CDH23: variants seen among roughly 807,000 people sequenced by gnomAD.
The protein encoded by CDH23 is cadherin related 23, also known as cadherin-23.
A neutral mutation model predicts 317.1 loss-of-function variants in CDH23; 189 were observed. That is an observed-to-expected ratio of 0.60 (90% CI 0.53 to 0.67). The LOEUF (loss-of-function observed/expected upper bound fraction) is 0.67. Ranked by LOEUF, CDH23 falls within the 30% of genes least tolerant of loss-of-function variation. The pLI, the probability that CDH23 is intolerant of heterozygous loss-of-function variation, is 0.00. For missense variants in CDH23, 4,401 were observed against 4,592.4 expected (o/e 0.96, Z 1.20); for synonymous variants, 1,839 against 1,876.8 (o/e 0.98, Z 0.52).
chr10:71,708,659 A>AC (rs1865871093), intron 26 of CDH23, among the ~76,000 whole-genome samples: 4 of 151,972 alleles, frequency 2.6e-5, no homozygotes, highest in Non-Finnish European at 5.9e-5. Flanking sequence ...TGCTCAGCCA[A>AC]CCCCAGAGTT....
At chr10:71,667,596 G>A (rs1033446090) in intron 14 of CDH23, among the ~76,000 whole-genome samples, 5 of 152,064 alleles carry the variant, frequency 3.3e-5, no homozygotes, top group Non-Finnish European at 4.4e-5. Context: ...AAAGAAGTAG[G>A]AAGTATGGAG....
chr10:71,799,489 C>G lies in CDH23; in HGVS notation c.7225-3C>G. ...CTCTCTCTCCCTGCCCCCTGGGCTCCAGGAGGCTGTCTTTGAGGATGTGCC... is the reference window on the plus strand; with the variant it reads ...CTCTCTCTCCCTGCCCCCTGGGCTCGAGGAGGCTGTCTTTGAGGATGTGCC... On this transcript the variant is annotated splice_region_variant and splice_polypyrimidine_tract_variant and intron_variant, in intron 51 of 69. Transcript: ENST00000224721. The G allele has an allele frequency of 6.2e-7, 1 of 1,614,064 alleles. No homozygotes were observed. The highest frequency in any genetic ancestry group is 8.5e-7 in the Non-Finnish European group (1 of 1,179,912).
At chr10:71,624,274 G>A (rs972423062) in intron 11 of CDH23, among the ~76,000 whole-genome samples, 3 of 152,186 alleles carry the variant, frequency 2.0e-5, no homozygotes, top group Non-Finnish European at 2.9e-5. Context: ...CCTTGTATTT[G>A]TGTATTCAAA....
chr10:71,814,471 G>C (rs988695089), intron 69 of CDH23, among the ~76,000 whole-genome samples: 12 of 152,220 alleles, frequency 7.9e-5, no homozygotes, highest in Admixed American at 5.2e-4. Context: ...CACTTTGGGA[G>C]GCTGAGGCTG....
At chr10:71,665,586 C>T (rs1863853800) in intron 14 of CDH23, among the ~76,000 whole-genome samples, 1 of 152,198 alleles carries the variant, frequency 6.6e-6, no homozygotes, top group African/African-American at 2.4e-5. Flanking sequence ...AGCCTAGTGA[C>T]TGTCTGAGAG....
chr10:71,677,343 A>C (rs1342378449), intron 15 of CDH23, 113 bp from the exon 16 acceptor site: 1 of 827,254 alleles, frequency 1.2e-6, no homozygotes, highest in South Asian at 1.8e-5. Context: ...TTCAGACTTC[A>C]TTTGTTTCTG....
chr10:71,793,802 C>G (rs1371424397), intron 48 of CDH23, among the ~76,000 whole-genome samples, 162 bp downstream of exon 48: 1 of 152,136 alleles, frequency 6.6e-6, no homozygotes, highest in African/African-American at 2.4e-5. Context: ...CTTCTCTTTT[C>G]CATCTCTCCC....
chr10:71,643,324 G>T (rs752180149), intron 11 of CDH23, among the ~76,000 whole-genome samples: 2 of 152,138 alleles, frequency 1.3e-5, no homozygotes, highest in Admixed American at 1.3e-4. Flanking sequence ...AGGGAGAGGC[G>T]TGTGTTCCCC....
At chr10:71,450,813 C>T (rs1055506080) in intron 3 of CDH23, among the ~76,000 whole-genome samples, 2 of 152,130 alleles carry the variant, frequency 1.3e-5, no homozygotes, top group African/African-American at 4.8e-5. Flanking sequence ...CCGTGGTGGT[C>T]CCATCTAGCC....
At chr10:71,673,475 T>C (rs1864231725) in intron 14 of CDH23, among the ~76,000 whole-genome samples, 2 of 152,252 alleles carry the variant, frequency 1.3e-5, no homozygotes, top group Admixed American at 1.3e-4. Context: ...TTCCTCCTGC[T>C]CCCCTTCTCC....
intron 3 of CDH23, among the ~76,000 whole-genome samples, chr10:71,452,499 G>A (rs1039866340): frequency 1.7e-4 from 26 of 152,246 alleles, no homozygotes; most frequent in African/African-American, 6.3e-4. Context: ...TCCTTGGCCA[G>A]GGGTGCCCTT....
chr10:71,762,051 T>C (rs1265976434), intron 38 of CDH23: 1 of 1,568,100 alleles, frequency 6.4e-7, no homozygotes, highest in Non-Finnish European at 8.7e-7. Context: ...GAGAGCCCTG[T>C]CACCTGACTG....
At chr10:71,673,225 G>A (rs1024488748) in intron 14 of CDH23, among the ~76,000 whole-genome samples, 6 of 152,302 alleles carry the variant, frequency 3.9e-5, no homozygotes, top group South Asian at 2.1e-4. Flanking sequence ...CCCTGCCCTC[G>A]TCCTTCCCCA....
At chr10:71,546,911 A>G (rs1589191450) in intron 6 of CDH23, among the ~76,000 whole-genome samples, 1 of 152,228 alleles carries the variant, frequency 6.6e-6, no homozygotes, top group Non-Finnish European at 1.5e-5. Flanking sequence ...TGAATGAATG[A>G]GAGGGAGAGA....
intron 1 of CDH23, among the ~76,000 whole-genome samples, chr10:71,401,611 A>C (rs919601356): frequency 6.6e-6 from 1 of 152,176 alleles, no homozygotes; most frequent in Non-Finnish European, 1.5e-5. Flanking sequence ...GGACATTTGC[A>C]TGCCTAGAGA....
chr10:71,691,532 T>C (rs573408004), intron 20 of CDH23, among the ~76,000 whole-genome samples: 23 of 140,172 alleles, frequency 1.6e-4, no homozygotes, highest in African/African-American at 5.9e-4. Context: ...CTTGAGACAA[T>C]ACAAATTCAA....
intron 14 of CDH23, 188 bp downstream of exon 14, chr10:71,646,805 G>A (rs776990328): frequency 1.0e-5 from 16 of 1,526,504 alleles, no homozygotes; most frequent in Admixed American, 2.1e-5. Context: ...CTTGACCTAG[G>A]TTGCAATATG....
chr10:71,530,024 C>CACACAG (rs1222677311), intron 6 of CDH23, among the ~76,000 whole-genome samples: 1 of 138,606 alleles, frequency 7.2e-6, no homozygotes, highest in African/African-American at 2.8e-5. Context: ...TGCACACATA[C>CACACAG]ACACATACAG....
chr10:71,682,952 G>A (rs573679658), intron 18 of CDH23, among the ~76,000 whole-genome samples: 28 of 152,074 alleles, frequency 1.8e-4, no homozygotes, highest in African/African-American at 6.5e-4. Context: ...ATGACCAGAA[G>A]GTCATCTTCT....
Sources: allele counts gnomAD v4.1 joint callset (sites outside exome capture counted in the v4.1 genomes callset), GRCh38; gene constraint gnomAD v4.1.1; transcripts MANE v1.5; gene names NCBI Gene and HGNC (gene_info 2026-07-23, HGNC 2026-07-21).